Variants in LRPAP1 observed in about 807,000 individuals in gnomAD.
The protein encoded by LRPAP1 is LDL receptor related protein associated protein 1.
In LRPAP1, 41 loss-of-function variants were observed where a neutral mutation model predicts 39.9. The ratio of observed to expected loss-of-function variants is 1.03; its 90% CI spans 0.80 to 1.33. LRPAP1 has a LOEUF of 1.33. LRPAP1 is among the 40% of genes most tolerant of loss of function. The pLI, the probability that LRPAP1 is intolerant of heterozygous loss-of-function variation, is 0.00. For synonymous variants in LRPAP1, 263 were observed against 212.7 expected (o/e 1.24, Z -2.06); for missense variants, 565 against 482.3 (o/e 1.17, Z -1.61).
intron 2 of LRPAP1, among the ~76,000 whole-genome samples, chr4:3,522,002 C>T (rs1398461702): frequency 1.3e-5 from 2 of 152,192 alleles, no homozygotes; most frequent in East Asian, 1.9e-4. Context: ...TAAATAATAC[C>T]GGCTGTGGGG....
At chr4:3,519,192 T>C (rs967221870) in intron 3 of LRPAP1, among the ~76,000 whole-genome samples, 1 of 152,070 alleles carries the variant, frequency 6.6e-6, no homozygotes, top group South Asian at 2.1e-4. Context: ...CTCTTGGACG[T>C]GTCCAGGCTC....
At position 3,513,036 on chromosome 4, in the gene LRPAP1, C is replaced by A. The variant is rs1045026059; in HGVS notation, c.1012G>T (p.Val338Leu). ...EGRTKELGYT[V>L]KKHLQDLSGR... The stretch of plus-strand genomic sequence containing the variant: ...GACAGGTCCTGCAGATGCTTCTTCA[C>A]CTGTGGACAGAAACGTCTCATCAGC... Residue 338 changes from valine to leucine, a missense_variant and splice_region_variant, in exon 8 of 8, where the codon GTG becomes TTG. Val to Leu is a conservative substitution (Grantham distance 32). Coordinates refer to ENST00000650182, the MANE Select transcript of LRPAP1 (RefSeq NM_002337.4). 22 of 1,611,618 alleles carry A rather than the reference C, an allele frequency of 1.4e-5. No homozygotes were observed. Among genetic ancestry groups the A allele is most frequent in the Non-Finnish European group, 1.9e-5 (22 of 1,178,940 alleles).
intron 5 of LRPAP1, 33 bp from the exon 6 acceptor site, chr4:3,516,231 C>T: frequency 6.6e-7 from 1 of 1,524,834 alleles, no homozygotes; most frequent in Non-Finnish European, 8.9e-7. Flanking sequence ...GCCTCAGCAG[C>T]ACCCGGGGTG....
intron 1 of LRPAP1, among the ~76,000 whole-genome samples, chr4:3,529,152 G>A (rs1284546337): frequency 3.3e-5 from 5 of 151,824 alleles, no homozygotes; most frequent in East Asian, 3.9e-4. Context: ...GTGAAACCCC[G>A]TCTCTACTAA....
At chr4:3,523,562 C>G (rs1240000616) in intron 2 of LRPAP1, among the ~76,000 whole-genome samples, 1 of 152,176 alleles carries the variant, frequency 6.6e-6, no homozygotes, top group African/African-American at 2.4e-5. Flanking sequence ...TCAGAAAACC[C>G]TGACTCCAAA....
Position 3,523,041 on chromosome 4 carries a change from C to T in LRPAP1, c.349+1866G>A, listed in dbSNP as rs535902501. 5.3e-5 allele frequency among the ~76,000 whole-genome samples: 8 copies of T among 152,228 alleles called. No homozygotes were observed. The South Asian group carries it at 8.3e-4, about 16-fold the overall frequency. ...GTGTGGGCAGGGTCTGCTTCTGGGA[C>T]GCCGGCTCCTAGAGTCCCACTAAGT... On this transcript the variant is annotated intron_variant, in intron 2 of 7. Transcript: ENST00000650182.
intron 2 of LRPAP1, among the ~76,000 whole-genome samples, chr4:3,520,501 C>T (rs1254485392): frequency 6.6e-6 from 1 of 152,236 alleles, no homozygotes; most frequent in Admixed American, 6.5e-5. Context: ...CCCTGAGACG[C>T]AGCTGTCGAA....
Position 3,516,011 on chromosome 4 carries a change from T to TGAGAGA in LRPAP1, c.834+99_834+104dup, listed in dbSNP as rs111779833. 1.3e-4 allele frequency: 144 copies of TGAGAGA among 1,126,726 alleles called. 1 individual carries two copies. In the African/African-American group the frequency reaches 1.9e-3, roughly 15 times the overall value. 69.8% of individuals were successfully genotyped at this position (1,126,726 alleles called of 1,614,324 possible). On this transcript the variant is annotated intron_variant, in intron 6 of 7. Transcript: ENST00000650182. ...GTTAAGGAAGAAACTGCGAGAATCT[T>TGAGAGA]GAGAGAGAGAGCTTGGAGGAGAGGG...
chr4:3,524,534 G>A (rs549338220), intron 2 of LRPAP1, among the ~76,000 whole-genome samples: 17 of 152,306 alleles, frequency 1.1e-4, no homozygotes, highest in African/African-American at 2.6e-4. Context: ...CTGAGACCAC[G>A]GCCAAGGGCG....
chr4:3,516,110 C>A lies in LRPAP1; in HGVS notation c.834+6G>T. On this transcript the variant is annotated splice_donor_region_variant and intron_variant, in intron 6 of 7. Transcript: ENST00000650182. ...GAGCTAGAAGGAGAGGGCCGTGTTT[C>A]CTTACCCGGAACGCCTCCAGCTCCT... The A allele has an allele frequency of 6.4e-7, 1 of 1,567,574 alleles. No homozygotes were observed.
intron 6 of LRPAP1, 165 bp downstream of exon 6, chr4:3,515,951 G>T: frequency 1.5e-6 from 1 of 675,044 alleles, no homozygotes; most frequent in Non-Finnish European, 2.5e-6. Context: ...TTCCCACGCA[G>T]ATGAGAAGGA....
At chr4:3,526,771 T>G (rs1018528127) in intron 1 of LRPAP1, among the ~76,000 whole-genome samples, 4 of 152,174 alleles carry the variant, frequency 2.6e-5, no homozygotes, top group Non-Finnish European at 5.9e-5. Context: ...GCTCAGTCTG[T>G]GTTGGGCCTG....
intron 5 of LRPAP1, among the ~76,000 whole-genome samples, chr4:3,516,598 C>T (rs11725303): frequency 0.18 from 27,307 of 152,248 alleles, 2,629 homozygotes; most frequent in South Asian, 0.31. Context: ...CAGGTCCAGA[C>T]GCAGGCACAG....
chr4:3,517,905 G>A (rs773900326), intron 5 of LRPAP1, 129 bp downstream of exon 5: 13 of 1,180,946 alleles, frequency 1.1e-5, no homozygotes, highest in Middle Eastern at 3.0e-4. Context: ...TAGACTGAGC[G>A]CGCCGAGGGT....
rs573784533 is a variant in LRPAP1 at position 3,504,645 on chromosome 4, G to A, written c.*8329C>T. ...GGGGCCTGTAATCCCAGCTACTTGC[G>A]AGGCTGAGGCAGGAGAATTTCTTGA... On this transcript the variant is annotated 3_prime_UTR_variant, in exon 8 of 8. Transcript: ENST00000650182. Among the ~76,000 whole-genome samples, 1 of 151,664 alleles carries A rather than the reference G, an allele frequency of 6.6e-6. No individual in the cohort carries two copies. The highest frequency in any genetic ancestry group is 1.5e-5 in the Non-Finnish European group (1 of 67,988).
intron 2 of LRPAP1, among the ~76,000 whole-genome samples, chr4:3,523,639 C>T (rs564658952): frequency 2.0e-5 from 3 of 152,192 alleles, no homozygotes; most frequent in Admixed American, 6.5e-5. Context: ...TCAAATGGGA[C>T]GACAACGAGT....
In LRPAP1 at chr4:3,517,702, C is replaced by T. The variant is rs1157209500; in HGVS notation, c.751+332G>A. 3.2e-5 allele frequency: 7 copies of T among 221,700 alleles called. No homozygotes were observed. The South Asian group carries it at 5.8e-4, about 18-fold the overall frequency. The allele number at this position is 221,700 out of a possible 1,614,324, so 13.7% of individuals were successfully genotyped here. A position where few individuals can be genotyped will look rare whatever the true frequency, so the allele number is the denominator to read the frequency against. ...GAGATGGAGACGGAGCTATGTTTGA[C>T]GAGTGGTCTCTGTTCTTGGCCAACA... On this transcript the variant is annotated intron_variant, in intron 5 of 7. Transcript: ENST00000650182.
In LRPAP1 at chr4:3,518,076, G is replaced by T. The variant is rs773775312; in HGVS notation, c.709C>A (p.Arg237Ser). 33 of 1,612,446 alleles carry T rather than the reference G, an allele frequency of 2.0e-5. No individual in the cohort carries two copies. In the South Asian group the frequency reaches 3.4e-4, roughly 17 times the overall value. The stretch of plus-strand genomic sequence containing the variant: ...CCCTGGTGGCTGACCCTGCGCAGGC[G>T]GTCCAGGCCCTGGTTGATGCTGCGC... ...KLRSINQGLD[R>S]LRRVSHQGYS... is the part of the protein sequence containing the mutation. The change falls in exon 5 of 8, where the codon CGC (arginine) becomes AGC (serine). Residue 237 changes from arginine (R) to serine (S), a missense_variant. By Grantham distance (110) the Arg-to-Ser change is moderately radical. Coordinates refer to ENST00000650182, the MANE Select transcript of LRPAP1 (RefSeq NM_002337.4).
intron 2 of LRPAP1, among the ~76,000 whole-genome samples, chr4:3,522,518 G>A (rs1366280075): frequency 1.3e-5 from 2 of 152,130 alleles, no homozygotes; most frequent in Non-Finnish European, 2.9e-5. Flanking sequence ...CCTGCCTGGG[G>A]AGGACGGACG....
Sources: gnomAD v4.1 joint callset for allele counts (sites outside exome capture counted in the v4.1 genomes callset) on GRCh38, gnomAD v4.1.1 for gene constraint, MANE v1.5 for transcripts, NCBI Gene and HGNC (gene_info 2026-07-23, HGNC 2026-07-21) for gene names.